TRPM1: variants seen among roughly 807,000 people sequenced by gnomAD.
TRPM1 encodes transient receptor potential cation channel subfamily M member 1.
TRPM1 carries 113 observed loss-of-function variants against 149.4 expected under a neutral mutation model. That is an observed-to-expected ratio of 0.76 (90% CI 0.65 to 0.88). The LOEUF is 0.88. Among genes scored for constraint, TRPM1 ranks in the 40% least tolerant of loss-of-function variants. TRPM1 has a pLI of 0.00. For missense variants in TRPM1, 1,976 were observed against 2,038.7 expected, an observed-to-expected ratio of 0.97 and a Z score of 0.59; for synonymous variants, 741 against 759.5, an observed-to-expected ratio of 0.98 and a Z score of 0.40.
chr15:31,062,636 C>G lies in TRPM1; in HGVS notation c.1032G>C (p.Lys344Asn), dbSNP rs2034263980. The G allele has an allele frequency of 6.2e-7, 1 of 1,613,978 alleles. No homozygotes were observed. The highest frequency in any genetic ancestry group is 1.1e-5 in the South Asian group (1 of 91,080). Residue 344 changes from lysine (K) to asparagine (N), a missense_variant, in exon 9 of 28, where the codon AAG becomes AAC. Coordinates refer to ENST00000256552, the MANE Select transcript of TRPM1 (RefSeq NM_001252024.2). ...VTIQKTFNYN[K>N]AQSHQLFAII... ...TTGCAAACAGCTGATGTGATTGTGC[C>G]TTATTATAATTAAATGTTTTCTGAA...
intron 1 of TRPM1, among the ~76,000 whole-genome samples, chr15:31,150,994 C>T (rs564891396): frequency 2.6e-5 from 4 of 152,166 alleles, no homozygotes; most frequent in Non-Finnish European, 5.9e-5. Context: ...ACACCCTATG[C>T]AAATAAGATG....
chr15:31,090,837 C>G (rs945478360), intron 1 of TRPM1, among the ~76,000 whole-genome samples: 54 of 152,022 alleles, frequency 3.6e-4, no homozygotes, highest in African/African-American at 1.3e-3. Context: ...AGTCAGCTCC[C>G]AGATCCACCA....
In TRPM1 at chr15:31,042,153, G is replaced by C; in HGVS notation, c.1885C>G (p.Arg629Gly). The change falls in exon 17 of 28, where the codon CGG becomes GGG. Residue 629 changes from arginine to glycine, a missense_variant. Physicochemically the swap from Arg to Gly is moderately radical, Grantham distance 125 (BLOSUM62 -2). This residue lies in a region of TRPM1 where 1,332 missense variants were observed against 1,347.1 expected (regional missense o/e 0.99). Transcript: ENST00000256552. The stretch of plus-strand genomic sequence containing the variant: ...AGCTCGTGGAAGGGATACTGGAACC[G>C]ACTCACGGCAGGGTCGTCCACATCA... ...DIDVDDPAVS[R>G]FQYPFHELMV... 1.2e-6 allele frequency: 2 copies of C among 1,614,144 alleles called. No individual in the cohort carries two copies. Among genetic ancestry groups the C allele is most frequent in the East Asian group, 2.2e-5 (1 of 44,882 alleles).
chr15:31,062,136 A>T (rs759169885), intron 9 of TRPM1, among the ~76,000 whole-genome samples: 10 of 152,176 alleles, frequency 6.6e-5, no homozygotes, highest in Admixed American at 2.0e-4. Context: ...ATCTAATCAG[A>T]CAGGAGATAT....
rs1414291350 is a variant in TRPM1, at chr15:31,001,787, A to G, written c.*35T>C. 2.3e-5 allele frequency: 37 copies of G among 1,597,390 alleles called. No individual in the cohort carries two copies. Among genetic ancestry groups the G allele is most frequent in the Non-Finnish European group, 3.1e-5 (36 of 1,175,954 alleles). Reference sequence around the variant, plus strand: ...AAGATGACACCCATTAGTGGTTCTGACTGTTAAAAAAAAAAATTAAAGAAA... The same window carrying G: ...AAGATGACACCCATTAGTGGTTCTGGCTGTTAAAAAAAAAAATTAAAGAAA... On this transcript the variant is annotated 3_prime_UTR_variant, in exon 28 of 28. Transcript: ENST00000256552.
In TRPM1 at chr15:31,060,525, C is replaced by A. The variant is rs77126732; in HGVS notation, c.1263+19G>T. 3.2e-5 allele frequency: 51 copies of A among 1,599,868 alleles called. No homozygotes were observed. Among genetic ancestry groups the A allele is most frequent in the Non-Finnish European group, 3.6e-5 (42 of 1,167,464 alleles). On this transcript the variant is annotated intron_variant, in intron 11 of 27. Transcript: ENST00000256552. The stretch of plus-strand genomic sequence containing the variant: ...CAAAGTCAAGATCAATGATATGAAT[C>A]GAAAAAAAACAGTTTCACCGGCCAG...
At chr15:31,145,619 G>A (rs2036215337) in intron 1 of TRPM1, among the ~76,000 whole-genome samples, 1 of 152,018 alleles carries the variant, frequency 6.6e-6, no homozygotes, top group African/African-American at 2.4e-5. Flanking sequence ...CCTACTCCTG[G>A]GAAGCTAGAT....
intron 21 of TRPM1, 49 bp downstream of exon 21, chr15:31,035,497 A>C (rs2033316815): frequency 1.9e-6 from 3 of 1,613,256 alleles, no homozygotes; most frequent in African/African-American, 1.3e-5. Context: ...CCATATCTGC[A>C]TTTGCAGTCA....
chr15:31,022,319 A>G (rs962693129), intron 27 of TRPM1, among the ~76,000 whole-genome samples: 22 of 152,244 alleles, frequency 1.4e-4, no homozygotes, highest in Non-Finnish European at 3.2e-4. Flanking sequence ...TGGGTTGACG[A>G]GGTCTACTTT....
At chr15:31,079,021 T>C (rs1440403994) in intron 2 of TRPM1, among the ~76,000 whole-genome samples, 1 of 152,150 alleles carries the variant, frequency 6.6e-6, no homozygotes, top group East Asian at 1.9e-4. Context: ...AGAAAGGAGT[T>C]ACAAATATGG....
rs73372436 is a variant in TRPM1 at position 31,050,504 on chromosome 15, C to G, written c.1342G>C (p.Gly448Arg). The change falls in exon 12 of 28, where the codon GGA becomes CGA. Residue 448 changes from glycine (G) to arginine (R), a missense_variant. Transcript: ENST00000256552. ...TTGCCTTTCCCTTTTCCTCTTCCTC[C>G]CTTGGTGGTGGCCATGGGTGGCTTC... ...EKKPPMATTK[G>R]GRGKGKGKKK... 1.4e-5 allele frequency: 23 copies of G among 1,613,994 alleles called. No homozygotes were observed. In the East Asian group the frequency reaches 5.1e-4, roughly 36 times the overall value.
intron 27 of TRPM1, among the ~76,000 whole-genome samples, chr15:31,025,025 T>G (rs2032674751): frequency 6.6e-6 from 1 of 152,202 alleles, no homozygotes. Context: ...CAGAGTTCAC[T>G]GGCCTCAACA....
intron 27 of TRPM1, among the ~76,000 whole-genome samples, chr15:31,022,907 A>C (rs2032596812): frequency 6.6e-6 from 1 of 152,238 alleles, no homozygotes; most frequent in South Asian, 2.1e-4. Flanking sequence ...ATGTATTCCC[A>C]GCTACTTCAG....
At chr15:31,033,627 G>GATCT (rs2033198836) in intron 21 of TRPM1, among the ~76,000 whole-genome samples, 1 of 152,208 alleles carries the variant, frequency 6.6e-6, no homozygotes, top group Non-Finnish European at 1.5e-5. Flanking sequence ...AGGTCTTGGG[G>GATCT]ATCTCTGTGG....
At chr15:31,036,756 C>T (rs943974404) in intron 20 of TRPM1, among the ~76,000 whole-genome samples, 3 of 152,216 alleles carry the variant, frequency 2.0e-5, no homozygotes, top group Non-Finnish European at 2.9e-5. Context: ...TAACCAGAAT[C>T]GATGGGCAGC....
rs1485527551 is a variant in TRPM1, at chr15:31,049,381, A to G, written c.1566T>C (p.Tyr522=). The change falls in exon 13 of 28, where the codon TAT becomes TAC. Residue 522 remains tyrosine, a synonymous_variant. Transcript: ENST00000256552. The part of the protein sequence containing the change: ...FLTIPRLEEL[Y]NTRLGPPNTL... ...CTTTTTCTAGAGCACTCACTGTGTT[A>G]TAAAGCTCCTCCAGCCTCGGAATGG... The G allele has an allele frequency of 1.9e-6, 3 of 1,614,100 alleles. No individual in the cohort carries two copies. The highest frequency in any genetic ancestry group is 1.1e-5 in the South Asian group (1 of 91,082).
chr15:31,062,940 C>T, intron 8 of TRPM1, 178 bp downstream of exon 8: 3 of 991,420 alleles, frequency 3.0e-6, no homozygotes, highest in Non-Finnish European at 3.1e-6. Flanking sequence ...CCATCAGGAA[C>T]ACCCTGCCTC....
intron 1 of TRPM1, among the ~76,000 whole-genome samples, chr15:31,085,896 G>A (rs538040163): frequency 8.5e-5 from 13 of 152,138 alleles, no homozygotes; most frequent in Non-Finnish European, 1.3e-4. Flanking sequence ...AGATACCCTG[G>A]ACCCGCAGCC....
At chr15:31,012,742 C>T (rs570895123) in intron 27 of TRPM1, among the ~76,000 whole-genome samples, 1 of 151,984 alleles carries the variant, frequency 6.6e-6, no homozygotes, top group Non-Finnish European at 1.5e-5. Context: ...TCTCATGATG[C>T]CTATGTTGTT....
Sources: gnomAD v4.1 joint callset for allele counts (sites outside exome capture counted in the v4.1 genomes callset) on GRCh38, gnomAD v4.1.1 for gene constraint, gnomAD v4.1.1 regional missense constraint, MANE v1.5 for transcripts, NCBI Gene and HGNC (gene_info 2026-07-23, HGNC 2026-07-21) for gene names.